SPTBN1: variants seen among roughly 807,000 people sequenced by gnomAD.
SPTBN1 encodes the protein spectrin beta, non-erythrocytic 1.
Under a neutral mutation model 266.4 loss-of-function variants are expected in SPTBN1, and 32 were observed. That is an observed-to-expected ratio of 0.12 (90% CI 0.09 to 0.16). The LOEUF is 0.16. Ranked by LOEUF, SPTBN1 falls within the 10% of genes least tolerant of loss-of-function variation. The probability of loss-of-function intolerance (pLI) is 1.00; values close to 1 mark genes in which losing one functional copy is unlikely to be tolerated. For synonymous variants in SPTBN1, 1,336 were observed against 1,162.2 expected (o/e 1.15, Z -3.04); for missense variants, 2,296 against 3,067.1 (o/e 0.75, Z 5.94).
intron 2 of SPTBN1, among the ~76,000 whole-genome samples, chr2:54,537,243 C>T (rs867828444): frequency 2.0e-5 from 3 of 152,302 alleles, no homozygotes; most frequent in East Asian, 1.9e-4. Context: ...TCATTCCAAC[C>T]CCAGCTCTTG....
intron 2 of SPTBN1, among the ~76,000 whole-genome samples, chr2:54,562,013 C>CA (rs544725941): frequency 4.7e-4 from 71 of 152,176 alleles, no homozygotes; most frequent in African/African-American, 1.6e-3. Flanking sequence ...CACACACACA[C>CA]CCACCCCTTC....
chr2:54,573,529 C>A (rs1362844873), intron 2 of SPTBN1, among the ~76,000 whole-genome samples: 2 of 152,172 alleles, frequency 1.3e-5, no homozygotes, highest in Non-Finnish European at 2.9e-5. Flanking sequence ...CAATACCGGT[C>A]TGTGACCTGG....
At chr2:54,575,856 G>C (rs986261487) in intron 2 of SPTBN1, among the ~76,000 whole-genome samples, 1 of 152,188 alleles carries the variant, frequency 6.6e-6, no homozygotes, top group Non-Finnish European at 1.5e-5. Context: ...GTCTCAACAT[G>C]CCTCTGCCTA....
At chr2:54,539,604 A>T (rs556262260) in intron 2 of SPTBN1, among the ~76,000 whole-genome samples, 1 of 152,152 alleles carries the variant, frequency 6.6e-6, no homozygotes, top group South Asian at 2.1e-4. Flanking sequence ...CAGTGGTGCG[A>T]TTTTGGCTCA....
At position 54,579,328 on chromosome 2, in the gene SPTBN1, G is replaced by C. The variant is rs1048433109; in HGVS notation, c.149-19764G>C. ...ACCCAGAGATCGAATACAGTGCCAG[G>C]TTATCAACTACCATTTTTTGGGACT... On this transcript the variant is annotated intron_variant, in intron 2 of 35. Coordinates refer to ENST00000356805, the MANE Select transcript of SPTBN1 (RefSeq NM_003128.3). 4.6e-5 allele frequency among the ~76,000 whole-genome samples: 7 copies of C among 152,096 alleles called. No homozygotes were observed. The East Asian group carries it at 1.3e-3, about 29-fold the overall frequency.
chr2:54,644,599 G>A lies in SPTBN1; in HGVS notation c.4269+13G>A, dbSNP rs1679799843. 1 of 1,595,406 alleles carries A rather than the reference G, an allele frequency of 6.3e-7. No individual in the cohort carries two copies. ...GAAAAAGCAACAGGCAAGTGGACAA[G>A]CCATCATGGACTTGGGTGTATTTCT... On this transcript the variant is annotated intron_variant, in intron 20 of 35. Transcript: ENST00000356805.
At chr2:54,493,132 CG>C (rs1358104072) in intron 1 of SPTBN1, among the ~76,000 whole-genome samples, 1 of 150,384 alleles carries the variant, frequency 6.6e-6, no homozygotes, top group African/African-American at 2.4e-5. Context: ...CAGCCTGCTG[CG>C]TATCTGGGAC....
intron 30 of SPTBN1, 57 bp downstream of exon 30, chr2:54,658,103 C>T: frequency 6.3e-7 from 1 of 1,599,000 alleles, no homozygotes. Flanking sequence ...TTTCTTCCTG[C>T]TTGCCTCTTA....
intron 2 of SPTBN1, among the ~76,000 whole-genome samples, chr2:54,572,422 C>T (rs10205182): frequency 0.36 from 54,148 of 151,774 alleles, 10,885 homozygotes; most frequent in African/African-American, 0.56. Flanking sequence ...CTTTTCTAAC[C>T]GCGAGTGTCT....
At chr2:54,470,182 G>C (rs1288575637) in intron 1 of SPTBN1, among the ~76,000 whole-genome samples, 1 of 152,196 alleles carries the variant, frequency 6.6e-6, no homozygotes, top group African/African-American at 2.4e-5. Flanking sequence ...TAATTAGAGA[G>C]AAGGCTGATG....
rs751771325 is a variant in SPTBN1 at position 54,664,260 on chromosome 2, C to T, written c.6421-193C>T. On this transcript the variant is annotated intron_variant, in intron 32 of 35. Coordinates refer to ENST00000356805, the MANE Select transcript of SPTBN1 (RefSeq NM_003128.3). This position sits in a 1 kb window ranked among gnomAD's most constrained non-coding sequence, Gnocchi z 5.6. ...CTTTTCTCATTTCCCTGTAAATGGG[C>T]GGGTATTAATCCATTCCCACCTTCT... The T allele has an allele frequency of 1.7e-5, 10 of 593,064 alleles. No homozygotes were observed. The highest frequency in any genetic ancestry group is 7.9e-5 in the East Asian group (3 of 38,050). The allele number at this position is 593,064 out of a possible 1,614,324, so 36.7% of individuals were successfully genotyped here.
rs189416229 is a variant in SPTBN1, at chr2:54,628,761, C to G, written c.1799-172C>G. Among the ~76,000 whole-genome samples, 109 of 152,310 alleles carry G rather than the reference C, an allele frequency of 7.2e-4. No homozygotes were observed. Among genetic ancestry groups the G allele is most frequent in the African/African-American group, 2.5e-3 (104 of 41,566 alleles). Reference sequence around the variant, plus strand: ...GTTTATCATTGCCCTCACTCCTGTTCTAGTCAAGTTGTTAGAAGGTGCTCC... The same window carrying G: ...GTTTATCATTGCCCTCACTCCTGTTGTAGTCAAGTTGTTAGAAGGTGCTCC... On this transcript the variant is annotated intron_variant, in intron 13 of 35. Transcript: ENST00000356805. This position sits in a 1 kb window ranked among gnomAD's most constrained non-coding sequence, Gnocchi z 4.3.
In SPTBN1 at chr2:54,643,029, C is replaced by T; in HGVS notation, c.3905C>T (p.Ser1302Phe). The change falls in exon 19 of 36, where the codon TCT (serine) becomes TTT (phenylalanine). Residue 1302 changes from serine (S) to phenylalanine (F), a missense_variant. Ser to Phe is a radical substitution (Grantham distance 155, BLOSUM62 -2). This residue lies in a region of SPTBN1 where 386 missense variants were observed against 486.1 expected (regional missense o/e 0.79). Transcript: ENST00000356805. ...NEKMLTAQDM[S>F]YDEARNLHSK... ...AAGATGCTCACAGCCCAGGACATGT[C>T]TTACGATGAAGCCAGAAATCTGCAC... is the stretch of plus-strand genomic sequence containing the variant. 1 of 1,614,040 alleles carries T rather than the reference C, an allele frequency of 6.2e-7. No individual in the cohort carries two copies. The highest frequency in any genetic ancestry group is 8.5e-7 in the Non-Finnish European group (1 of 1,179,930).
At chr2:54,464,343 A>C (rs1463081141) in intron 1 of SPTBN1, among the ~76,000 whole-genome samples, 1 of 152,236 alleles carries the variant, frequency 6.6e-6, no homozygotes. Context: ...TGTAGTGCTT[A>C]AAATAATGGT....
rs1317866699 is a variant in SPTBN1 at position 54,657,815 on chromosome 2, G to T, written c.6047-35G>T. Reference sequence around the variant, plus strand: ...GCCATATGACTGCCCGGCACCTCCTGGTCAACGTGTACTAACTCATGGTAC... The same window carrying T: ...GCCATATGACTGCCCGGCACCTCCTTGTCAACGTGTACTAACTCATGGTAC... On this transcript the variant is annotated intron_variant, in intron 29 of 35. Transcript: ENST00000356805. The T allele has an allele frequency of 3.1e-6, 5 of 1,613,224 alleles. No homozygotes were observed. In the Admixed American group the frequency reaches 8.3e-5, roughly 27 times the overall value.
chr2:54,512,639 C>G (rs1316546667), intron 1 of SPTBN1, among the ~76,000 whole-genome samples: 1 of 152,136 alleles, frequency 6.6e-6, no homozygotes, highest in Non-Finnish European at 1.5e-5. Context: ...TGTTTTGCGA[C>G]AGTTGAAAAT....
chr2:54,652,501 T>C (rs1366795559), intron 26 of SPTBN1: 1 of 152,234 alleles, frequency 6.6e-6, no homozygotes. Context: ...ATAGTCACTT[T>C]ATTTTCAGTC....
intron 3 of SPTBN1, among the ~76,000 whole-genome samples, chr2:54,603,156 TTAG>T (rs772313381): frequency 2.6e-5 from 4 of 151,966 alleles, no homozygotes; most frequent in Admixed American, 1.3e-4. Context: ...TCAAGAAACC[TTAG>T]TAGGAGGGTA....
At chr2:54,650,303 C>G (rs937899189) in intron 26 of SPTBN1, among the ~76,000 whole-genome samples, 28 of 152,210 alleles carry the variant, frequency 1.8e-4, no homozygotes, top group African/African-American at 6.3e-4. Context: ...CCATCCAGAA[C>G]AATTTCCAAA....
Sources: gnomAD v4.1 joint callset for allele counts (sites outside exome capture counted in the v4.1 genomes callset) on GRCh38, gnomAD v4.1.1 for gene constraint, gnomAD v4.1.1 regional missense constraint, Gnocchi (gnomAD v3.1) non-coding constraint, MANE v1.5 for transcripts, NCBI Gene and HGNC (gene_info 2026-07-23, HGNC 2026-07-21) for gene names.